Variants in IL1R2 observed in about 807,000 individuals in gnomAD.
IL1R2 encodes the protein interleukin 1 receptor type 2.
Under a neutral mutation model 39.5 loss-of-function variants are expected in IL1R2, and 46 were observed. The ratio of observed to expected loss-of-function variants is 1.16; its 90% CI spans 0.92 to 1.49. The LOEUF is 1.49. Ranked by LOEUF, IL1R2 falls within the 40% of genes most tolerant of loss-of-function variation. IL1R2 has a pLI of 0.00. For synonymous variants in IL1R2, 207 were observed against 189.6 expected (o/e 1.09, Z -0.75); for missense variants, 537 against 502.0 (o/e 1.07, Z -0.67).
At chr2:102,000,787 C>T (rs1242258230) in intron 1 of IL1R2, among the ~76,000 whole-genome samples, 1 of 152,160 alleles carries the variant, frequency 6.6e-6, no homozygotes, top group Admixed American at 6.5e-5. Flanking sequence ...TGACCTTGGA[C>T]AAGTGACTTA....
chr2:101,993,740 T>A (rs760731861), intron 1 of IL1R2, among the ~76,000 whole-genome samples: 5 of 152,180 alleles, frequency 3.3e-5, no homozygotes, highest in Non-Finnish European at 7.4e-5. Context: ...CATTCCCTTT[T>A]GGGGGCCTTT....
chr2:102,003,105 T>C (rs1450564173), intron 1 of IL1R2, among the ~76,000 whole-genome samples: 1 of 118,450 alleles, frequency 8.4e-6, no homozygotes. Flanking sequence ...TATGTCTGTG[T>C]CTATGTCTGT....
intron 1 of IL1R2, among the ~76,000 whole-genome samples, chr2:102,007,790 C>A (rs1329861782): frequency 6.6e-6 from 1 of 152,128 alleles, no homozygotes. Context: ...AGGGAATAGT[C>A]AATTATATTC....
chr2:102,021,957 T>C (rs1434567544), intron 5 of IL1R2: 12 of 524,572 alleles, frequency 2.3e-5, no homozygotes, highest in Non-Finnish European at 4.2e-5. Flanking sequence ...GTCAGCGGAA[T>C]GTGTGTTTGG....
intron 5 of IL1R2, 127 bp downstream of exon 5, chr2:102,019,939 C>A: frequency 1.4e-6 from 1 of 735,440 alleles, no homozygotes; most frequent in Non-Finnish European, 2.2e-6. Flanking sequence ...ACAGATCCAT[C>A]AGCTCTCCTG....
chr2:101,997,085 G>C (rs1675627517), intron 1 of IL1R2, among the ~76,000 whole-genome samples: 1 of 152,152 alleles, frequency 6.6e-6, no homozygotes, highest in Non-Finnish European at 1.5e-5. Context: ...CCAGGGAGTG[G>C]TGGGCAGCTG....
At chr2:102,007,198 C>T (rs1676322225) in intron 1 of IL1R2, among the ~76,000 whole-genome samples, 1 of 152,102 alleles carries the variant, frequency 6.6e-6, no homozygotes, top group African/African-American at 2.4e-5. Context: ...AGAAGGTCAT[C>T]AGGGAGACGA....
chr2:101,997,838 C>T (rs1428772269), intron 1 of IL1R2, among the ~76,000 whole-genome samples: 2 of 152,232 alleles, frequency 1.3e-5, no homozygotes, highest in African/African-American at 4.8e-5. Context: ...TGTCCCTTTG[C>T]CTTCAGGTTT....
At chr2:102,020,859 G>C (rs1274469157) in intron 5 of IL1R2, among the ~76,000 whole-genome samples, 3 of 152,280 alleles carry the variant, frequency 2.0e-5, no homozygotes, top group Middle Eastern at 6.8e-3. Flanking sequence ...GGCTCTCAAG[G>C]GGTGGTCCTG....
rs751993491 is a variant in IL1R2, at chr2:102,026,285, G to A, written c.1030+32G>A. 57 of 1,530,168 alleles carry A rather than the reference G, an allele frequency of 3.7e-5. 1 individual carries two copies. The highest frequency in any genetic ancestry group is 5.1e-5 in the Non-Finnish European group (57 of 1,127,206). 94.8% of individuals were successfully genotyped at this position (1,530,168 alleles called of 1,614,324 possible). On this transcript the variant is annotated intron_variant, in intron 8 of 8. Transcript: ENST00000332549. The stretch of plus-strand genomic sequence containing the variant: ...ATGTATTTTGGGGAGCACTATAGGA[G>A]AATATAACATGTTGAATGTTCCATG...
intron 1 of IL1R2, among the ~76,000 whole-genome samples, chr2:101,996,363 G>T (rs1461638547): frequency 1.3e-5 from 2 of 152,054 alleles, no homozygotes; most frequent in Admixed American, 6.6e-5. Context: ...GGGCTTTTTG[G>T]GTCTGGTCTG....
chr2:102,008,784 G>A (rs1676429001), intron 2 of IL1R2, 142 bp downstream of exon 2: 2 of 671,168 alleles, frequency 3.0e-6, no homozygotes, highest in Admixed American at 2.3e-5. Context: ...GTACTTGAGA[G>A]CCCTAGGCGG....
intron 3 of IL1R2, among the ~76,000 whole-genome samples, chr2:102,015,203 T>C (rs1273392226): frequency 6.6e-6 from 1 of 152,124 alleles, no homozygotes; most frequent in African/African-American, 2.4e-5. Flanking sequence ...AGTTGGAGTA[T>C]GCGGGGGCTG....
intron 4 of IL1R2, 83 bp from the exon 5 acceptor site, chr2:102,019,555 T>G: frequency 8.3e-6 from 8 of 965,404 alleles, no homozygotes; most frequent in Non-Finnish European, 1.2e-5. Context: ...AAATCCCACA[T>G]TGGTTGATAA....
intron 1 of IL1R2, among the ~76,000 whole-genome samples, chr2:102,006,634 C>T (rs1011359577): frequency 3.9e-5 from 6 of 152,246 alleles, no homozygotes; most frequent in Admixed American, 6.5e-5. Context: ...TCATTCACAA[C>T]TCCTGCCGTG....
chr2:102,021,470 C>G (rs991310363), intron 5 of IL1R2, among the ~76,000 whole-genome samples: 1 of 152,146 alleles, frequency 6.6e-6, no homozygotes. Context: ...CTTACGCCAC[C>G]AAGCCCAGCT....
intron 1 of IL1R2, among the ~76,000 whole-genome samples, chr2:102,000,672 C>A (rs1200292413): frequency 3.9e-5 from 6 of 152,106 alleles, no homozygotes; most frequent in Non-Finnish European, 8.8e-5. Context: ...TCTGGAGGCC[C>A]CTCTAGCTCC....
At chr2:102,016,870 C>G (rs1267571030) in intron 4 of IL1R2, among the ~76,000 whole-genome samples, 2 of 152,038 alleles carry the variant, frequency 1.3e-5, no homozygotes, top group Non-Finnish European at 2.9e-5. Context: ...TTTGCTGAAA[C>G]CAATCCCCCA....
chr2:101,994,820 G>A (rs1468992250), intron 1 of IL1R2, among the ~76,000 whole-genome samples: 1 of 152,234 alleles, frequency 6.6e-6, no homozygotes, highest in African/African-American at 2.4e-5. Context: ...GCCGGTCCAT[G>A]GACCACACTT....
Sources: gnomAD v4.1 joint callset for allele counts (sites outside exome capture counted in the v4.1 genomes callset) on GRCh38, gnomAD v4.1.1 for gene constraint, MANE v1.5 for transcripts, NCBI Gene and HGNC (gene_info 2026-07-23, HGNC 2026-07-21) for gene names.